Variants in STK32B observed in about 807,000 individuals in gnomAD.
STK32B encodes the protein serine/threonine-protein kinase 32B.
A neutral mutation model predicts 52.6 loss-of-function variants in STK32B; 43 were observed. That is an observed-to-expected ratio of 0.82 (90% CI 0.64 to 1.05). The LOEUF (loss-of-function observed/expected upper bound fraction) is 1.05. STK32B is among the 50% of genes least tolerant of loss of function. The pLI, the probability that STK32B is intolerant of heterozygous loss-of-function variation, is 0.00. For missense variants in STK32B, 621 were observed against 534.6 expected, an observed-to-expected ratio of 1.16 and a Z score of -1.59; for synonymous variants, 238 against 204.3, an observed-to-expected ratio of 1.17 and a Z score of -1.41.
Position 5,434,587 on chromosome 4 carries a change from T to G in STK32B, c.563-12086T>G, listed in dbSNP as rs142304441. On this transcript the variant is annotated intron_variant, in intron 6 of 11. Transcript: ENST00000282908. ...TCTGGTTGATCTTGGGGAATGGAAC[T>G]GGGTTCAAATAAGCCTTAGTAGCTG... 6.0e-4 allele frequency among the ~76,000 whole-genome samples: 92 copies of G among 152,178 alleles called. 1 individual carries two copies. Among genetic ancestry groups the G allele is most frequent in the African/African-American group, 2.0e-3 (84 of 41,532 alleles).
chr4:5,320,782 A>T (rs1361526717), intron 3 of STK32B, among the ~76,000 whole-genome samples: 2 of 152,222 alleles, frequency 1.3e-5, no homozygotes, highest in South Asian at 2.1e-4. Flanking sequence ...ATATTAGCAG[A>T]TGGATATCCT....
At chr4:5,106,714 A>G (rs1714128324) in intron 1 of STK32B, among the ~76,000 whole-genome samples, 1 of 152,096 alleles carries the variant, frequency 6.6e-6, no homozygotes, top group Non-Finnish European at 1.5e-5. Flanking sequence ...TGTCTCTTTT[A>G]ATCTATAATA....
chr4:5,220,324 C>G (rs1258308443), intron 3 of STK32B, among the ~76,000 whole-genome samples: 2 of 152,176 alleles, frequency 1.3e-5, no homozygotes, highest in Non-Finnish European at 2.9e-5. Flanking sequence ...TCCCAGCTCT[C>G]AATGAGATCA....
intron 9 of STK32B, among the ~76,000 whole-genome samples, chr4:5,463,612 C>T (rs1445177550): frequency 6.6e-6 from 1 of 152,128 alleles, no homozygotes; most frequent in Non-Finnish European, 1.5e-5. Flanking sequence ...TATACTCACC[C>T]ACACACACCT....
chr4:5,480,752 G>GTTA (rs1560449514), intron 11 of STK32B, among the ~76,000 whole-genome samples: 1 of 151,732 alleles, frequency 6.6e-6, no homozygotes, highest in African/African-American at 2.4e-5. Context: ...CCCACAACAG[G>GTTA]CCCCAGTGTG....
At chr4:5,268,893 A>T (rs1220142725) in intron 3 of STK32B, among the ~76,000 whole-genome samples, 1 of 152,152 alleles carries the variant, frequency 6.6e-6, no homozygotes, top group East Asian at 1.9e-4. Flanking sequence ...AAGAAACTGG[A>T]CTGGACATCA....
chr4:5,034,105 A>C, the STK32B span, among the ~76,000 whole-genome samples: 3 of 152,354 alleles, frequency 2.0e-5, no homozygotes, highest in East Asian at 5.8e-4. Flanking sequence ...CCAGGCGGGG[A>C]CATAGATTTC....
Position 5,331,482 on chromosome 4 carries a change from G to T in STK32B, c.434+89G>T, listed in dbSNP as rs941972052. On this transcript the variant is annotated intron_variant, in intron 4 of 11. Transcript: ENST00000282908. Reference sequence around the variant, plus strand: ...TCTGCAGTAGTGGGGAGAGAATTTTGTCCTTGACATGGTTTAAAAGTGGTA... The same window carrying T: ...TCTGCAGTAGTGGGGAGAGAATTTTTTCCTTGACATGGTTTAAAAGTGGTA... The T allele has an allele frequency of 9.9e-6, 14 of 1,412,126 alleles. No homozygotes were observed. The African/African-American group carries it at 1.9e-4, about 19-fold the overall frequency. The allele number at this position is 1,412,126 out of a possible 1,614,324, so 87.5% of individuals were successfully genotyped here.
At chr4:5,049,540 C>A (rs1741680628), upstream of STK32B, among the ~76,000 whole-genome samples, 1 of 152,054 alleles carries the variant, frequency 6.6e-6, no homozygotes. Flanking sequence ...CTCTGGGAGG[C>A]AGGGGCGAGG....
At chr4:5,495,341 G>A (rs1319458141) in intron 11 of STK32B, among the ~76,000 whole-genome samples, 1 of 152,078 alleles carries the variant, frequency 6.6e-6, no homozygotes, top group African/African-American at 2.4e-5. Flanking sequence ...TTCCATCGCT[G>A]ATACCATTTC....
chr4:5,138,279 A>G (rs1005556191), intron 1 of STK32B, among the ~76,000 whole-genome samples: 1 of 152,228 alleles, frequency 6.6e-6, no homozygotes, highest in East Asian at 1.9e-4. Flanking sequence ...GACACAACTC[A>G]GCATAATTAT....
chr4:5,047,191 A>T (rs756584143), upstream of STK32B, among the ~76,000 whole-genome samples: 43 of 152,208 alleles, frequency 2.8e-4, no homozygotes, highest in Non-Finnish European at 5.7e-4. Context: ...CTTTGCAGGG[A>T]CATGGATGAA....
At chr4:5,406,061 A>G (rs1197456087) in intron 5 of STK32B, among the ~76,000 whole-genome samples, 2 of 152,228 alleles carry the variant, frequency 1.3e-5, no homozygotes. Context: ...CTTCCAAGGT[A>G]CAATGGGCAT....
At chr4:5,020,928 C>G in the STK32B span, among the ~76,000 whole-genome samples, 2 of 152,166 alleles carry the variant, frequency 1.3e-5, no homozygotes, top group Non-Finnish European at 2.9e-5. Flanking sequence ...AGCCCTGGAG[C>G]TATGTCTGGA....
chr4:5,135,808 A>G (rs935213861), intron 1 of STK32B, among the ~76,000 whole-genome samples: 2 of 152,184 alleles, frequency 1.3e-5, no homozygotes, highest in Admixed American at 6.5e-5. Flanking sequence ...ACATACACAA[A>G]AAATGCTTTC....
At chr4:5,324,583 A>G (rs1416058209) in intron 3 of STK32B, among the ~76,000 whole-genome samples, 1 of 152,108 alleles carries the variant, frequency 6.6e-6, no homozygotes, top group Non-Finnish European at 1.5e-5. Flanking sequence ...CGTCCTGTGC[A>G]TTGTAGGATA....
chr4:5,375,349 A>G (rs77673262), intron 4 of STK32B, among the ~76,000 whole-genome samples: 3,404 of 152,296 alleles, frequency 0.022, 65 homozygotes, highest in East Asian at 0.084. Flanking sequence ...CTCTGCTTCC[A>G]CGGTGCTCTC....
chr4:5,378,451 T>C lies in STK32B; in HGVS notation c.435-19756T>C, dbSNP rs1735719108. Among the ~76,000 whole-genome samples, 1 of 152,206 alleles carries C rather than the reference T, an allele frequency of 6.6e-6. No homozygotes were observed. The highest frequency in any genetic ancestry group is 2.4e-5 in the African/African-American group (1 of 41,444). On this transcript the variant is annotated intron_variant, in intron 4 of 11. Coordinates refer to ENST00000282908, the MANE Select transcript of STK32B (RefSeq NM_018401.3). This position sits in a 1 kb window ranked among gnomAD's most constrained non-coding sequence, Gnocchi z 4.4. The stretch of plus-strand genomic sequence containing the variant: ...TTTTTCCTTTATGACGTGAGTTAAA[T>C]CATTTACAATTATCATGATTCCTGA...
intron 3 of STK32B, among the ~76,000 whole-genome samples, chr4:5,307,542 CTCTA>C (rs932871421): frequency 2.2e-5 from 3 of 134,590 alleles, no homozygotes; most frequent in Non-Finnish European, 4.5e-5. Flanking sequence ...CATTCATATG[CTCTA>C]TCTTTTTTTT....
Sources: allele counts gnomAD v4.1 joint callset (sites outside exome capture counted in the v4.1 genomes callset), GRCh38; gene constraint gnomAD v4.1.1; non-coding constraint Gnocchi (gnomAD v3.1); transcripts MANE v1.5; gene names NCBI Gene and HGNC (gene_info 2026-07-23, HGNC 2026-07-21).